FANCI: variants seen among roughly 807,000 people sequenced by gnomAD.
FANCI encodes the protein FA complementation group I, also known as Fanconi anemia group I protein.
FANCI carries 156 observed loss-of-function variants against 176.1 expected under a neutral mutation model. The ratio of observed to expected loss-of-function variants is 0.89; its 90% CI spans 0.78 to 1.01. The LOEUF (loss-of-function observed/expected upper bound fraction) is 1.01, where lower values mean the gene tolerates loss of function less well. Among genes scored for constraint, FANCI ranks in the 50% least tolerant of loss-of-function variants. FANCI has a pLI of 0.00. For synonymous variants in FANCI, 613 were observed against 541.7 expected (o/e 1.13, Z -1.83); for missense variants, 1,678 against 1,534.1 (o/e 1.09, Z -1.57).
chr15:89,286,124 C>T (rs112573171), intron 18 of FANCI, among the ~76,000 whole-genome samples: 6,652 of 152,076 alleles, frequency 0.044, 463 homozygotes, highest in African/African-American at 0.15. Context: ...TCCCAAGTAC[C>T]TGGGATTACA....
At chr15:89,263,500 T>C in intron 7 of FANCI, 40 bp downstream of exon 7, 1 of 1,526,808 alleles carries the variant, frequency 6.5e-7, no homozygotes, top group Admixed American at 1.7e-5. Context: ...GTATCCTGCT[T>C]TGTGAACTTA....
At chr15:89,263,715 G>A (rs1339061756) in intron 7 of FANCI, among the ~76,000 whole-genome samples, 188 bp from the exon 8 acceptor site, 2 of 152,008 alleles carry the variant, frequency 1.3e-5, no homozygotes, top group Non-Finnish European at 2.9e-5. Context: ...TCCCTTAAAG[G>A]TTCTTCATTA....
In FANCI at chr15:89,295,607, A is replaced by G. The variant is rs561633854; in HGVS notation, c.2636+513A>G. On this transcript the variant is annotated intron_variant, in intron 24 of 37. Coordinates refer to ENST00000310775, the MANE Select transcript of FANCI (RefSeq NM_001113378.2). Reference sequence around the variant, plus strand: ...CTCGAACCTGGGAGGCGGAGGTTGCAGTGAGCCTAGATTGTGCCATTGCAC... The same window carrying G: ...CTCGAACCTGGGAGGCGGAGGTTGCGGTGAGCCTAGATTGTGCCATTGCAC... 1.6e-4 allele frequency among the ~76,000 whole-genome samples: 25 copies of G among 152,258 alleles called. No individual in the cohort carries two copies. In the South Asian group the frequency reaches 3.9e-3, roughly 24 times the overall value.
intron 18 of FANCI, among the ~76,000 whole-genome samples, chr15:89,285,986 G>GT (rs34746984): frequency 0.41 from 60,909 of 149,568 alleles, 12,238 homozygotes; most frequent in African/African-American, 0.43. Flanking sequence ...TCCAAACTTA[G>GT]TTTTTTTTTT....
intron 12 of FANCI, among the ~76,000 whole-genome samples, chr15:89,274,599 CTTTTTTT>C (rs1157910630): frequency 1.1e-4 from 9 of 82,834 alleles, no homozygotes; most frequent in South Asian, 4.6e-4. Context: ...TCTTTCTTTC[CTTTTTTT>C]TTTTTTTTTT....
At chr15:89,302,738 T>C (rs2054572334) in intron 27 of FANCI, among the ~76,000 whole-genome samples, 1 of 152,034 alleles carries the variant, frequency 6.6e-6, no homozygotes, top group Admixed American at 6.5e-5. Context: ...AACACCCGGC[T>C]AATTTTTTGT....
In FANCI at chr15:89,272,210, C is replaced by T. The variant is rs1258038059; in HGVS notation, c.883-1167C>T. Among the ~76,000 whole-genome samples, 6 of 152,258 alleles carry T rather than the reference C, an allele frequency of 3.9e-5. No homozygotes were observed. In the South Asian group the frequency reaches 1.0e-3, roughly 26 times the overall value. On this transcript the variant is annotated intron_variant, in intron 10 of 37. Coordinates refer to ENST00000310775, the MANE Select transcript of FANCI (RefSeq NM_001113378.2). ...TTCTTAATGACTGATGATAATTGAG[C>T]ATCTTTTCATGTGCTCATTAACTGT...
chr15:89,268,191 C>G (rs541945686), intron 9 of FANCI, among the ~76,000 whole-genome samples: 1 of 152,162 alleles, frequency 6.6e-6, no homozygotes, highest in Non-Finnish European at 1.5e-5. Flanking sequence ...ACCTTCCGGG[C>G]TGAAGCAATC....
intron 36 of FANCI, among the ~76,000 whole-genome samples, 191 bp from the exon 37 acceptor site, chr15:89,315,091 G>T (rs964686240): frequency 6.6e-6 from 1 of 152,094 alleles, no homozygotes; most frequent in Non-Finnish European, 1.5e-5. Flanking sequence ...TTACAGGCAT[G>T]AGCCACCACA....
In FANCI at chr15:89,294,909, C is replaced by T. The variant is rs2054196623; in HGVS notation, c.2457-6C>T. 1.9e-6 allele frequency: 3 copies of T among 1,551,756 alleles called. No homozygotes were observed. In the East Asian group the frequency reaches 7.3e-5, roughly 38 times the overall value. On this transcript the variant is annotated splice_polypyrimidine_tract_variant and splice_region_variant and intron_variant, in intron 23 of 37. Coordinates refer to ENST00000310775, the MANE Select transcript of FANCI (RefSeq NM_001113378.2). ...TTTTTCTTTCTCTCTCTCTGTCTCT[C>T]TCTAGGGATAGTATCCAAAGCCACC...
At chr15:89,247,358 C>A (rs964775903) in intron 1 of FANCI, among the ~76,000 whole-genome samples, 13 of 151,982 alleles carry the variant, frequency 8.6e-5, no homozygotes, top group Non-Finnish European at 1.2e-4. Context: ...CAAGTGTGGG[C>A]AAAAATTATG....
chr15:89,315,474 G>C, intron 37 of FANCI, 85 bp downstream of exon 37: 1 of 917,600 alleles, frequency 1.1e-6, no homozygotes, highest in South Asian at 1.3e-5. Context: ...ATTAGTGGAA[G>C]GGCAACAGAA....
chr15:89,282,843 A>G, intron 16 of FANCI: 1 of 393,902 alleles, frequency 2.5e-6, no homozygotes, highest in Non-Finnish European at 4.8e-6. Context: ...GTAACCAGCC[A>G]ATTTTACAGT....
Position 89,311,373 on chromosome 15 carries a change from C to T in FANCI, c.3652-1531C>T, listed in dbSNP as rs181374190. ...GGCAGAGGTTGCAGTGAGCTGAGATCGCACCATTGTACTCCAGCCTGGGCG... is the reference window on the plus strand; with the variant it reads ...GGCAGAGGTTGCAGTGAGCTGAGATTGCACCATTGTACTCCAGCCTGGGCG... On this transcript the variant is annotated intron_variant, in intron 34 of 37. Coordinates refer to ENST00000310775, the MANE Select transcript of FANCI (RefSeq NM_001113378.2). 4.7e-4 allele frequency among the ~76,000 whole-genome samples: 72 copies of T among 152,268 alleles called. 2 individuals are homozygous for T. In the East Asian group the frequency reaches 0.013, roughly 27 times the overall value.
chr15:89,290,272 G>A lies in FANCI; in HGVS notation c.1881G>A (p.Leu627=), dbSNP rs765672034. 1.2e-6 allele frequency: 2 copies of A among 1,612,426 alleles called. No homozygotes were observed. The highest frequency in any genetic ancestry group is 1.1e-5 in the South Asian group (1 of 91,062). The change falls in exon 19 of 38, where the codon CTG becomes CTA. Residue 627 remains leucine (L), a synonymous_variant. Transcript: ENST00000310775. ...TGGCTAATTCAGTCATGCAAACTCTGCTCTCACAGGTAAAATACATTTTTA... is the reference window on the plus strand; with the variant it reads ...TGGCTAATTCAGTCATGCAAACTCTACTCTCACAGGTAAAATACATTTTTA... ...SQLANSVMQT[L]LSQLKQFYEP...
At chr15:89,308,333 T>C (rs1420722923) in intron 34 of FANCI, 1 of 250,310 alleles carries the variant, frequency 4.0e-6, no homozygotes, top group Non-Finnish European at 6.3e-6. Flanking sequence ...AAATTGCCAG[T>C]TGTCCTTAAG....
chr15:89,300,086 T>A, intron 25 of FANCI, 120 bp downstream of exon 25: 2 of 1,173,756 alleles, frequency 1.7e-6, no homozygotes, highest in Non-Finnish European at 2.5e-6. Flanking sequence ...TGCTAAGGAG[T>A]GACATCTAGT....
At position 89,305,184 on chromosome 15, in the gene FANCI, T is replaced by G; in HGVS notation, c.3128T>G (p.Val1043Gly). 1.2e-6 allele frequency: 2 copies of G among 1,614,254 alleles called. No homozygotes were observed. Among genetic ancestry groups the G allele is most frequent in the Non-Finnish European group, 1.7e-6 (2 of 1,180,050 alleles). Residue 1043 changes from valine (V) to glycine (G), a missense_variant, in exon 29 of 38, where the codon GTC becomes GGC. Physicochemically the swap from Val to Gly is moderately radical, Grantham distance 109. Coordinates refer to ENST00000310775, the MANE Select transcript of FANCI (RefSeq NM_001113378.2). ...FSLHVSYKSP[V>G]ILLRDLSQDI... ...CTGCATGTTTCGTATAAGAGTCCTGTCATTCTGCTGCGTGACTTGTCCCAG... is the reference window on the plus strand; with the variant it reads ...CTGCATGTTTCGTATAAGAGTCCTGGCATTCTGCTGCGTGACTTGTCCCAG...
chr15:89,270,037 C>T (rs907973872), intron 10 of FANCI, among the ~76,000 whole-genome samples: 1 of 152,194 alleles, frequency 6.6e-6, no homozygotes, highest in Non-Finnish European at 1.5e-5. Context: ...TCTTCAACTC[C>T]TGGCCTCAAG....
Sources: gnomAD v4.1 joint callset for allele counts (sites outside exome capture counted in the v4.1 genomes callset) on GRCh38, gnomAD v4.1.1 for gene constraint, MANE v1.5 for transcripts, NCBI Gene and HGNC (gene_info 2026-07-23, HGNC 2026-07-21) for gene names.